Variants in UBR1 observed in about 807,000 individuals in gnomAD.
The protein encoded by UBR1 is ubiquitin protein ligase E3 component n-recognin 1.
A neutral mutation model predicts 242.1 loss-of-function variants in UBR1; 102 were observed. That is an observed-to-expected ratio of 0.42 (90% CI 0.36 to 0.50). The LOEUF (loss-of-function observed/expected upper bound fraction) is 0.50, where lower values mean the gene tolerates loss of function less well. UBR1 is among the 20% of genes least tolerant of loss of function. The pLI, the probability that UBR1 is intolerant of heterozygous loss-of-function variation, is 0.01. For synonymous variants in UBR1, 675 were observed against 684.8 expected, an observed-to-expected ratio of 0.99 and a Z score of 0.22; for missense variants, 1,772 against 2,101.8, an observed-to-expected ratio of 0.84 and a Z score of 3.07.
At chr15:42,978,074 C>T in intron 37 of UBR1, 127 bp from the exon 38 acceptor site, 1 of 728,154 alleles carries the variant, frequency 1.4e-6, no homozygotes, top group South Asian at 1.6e-5. Context: ...TAATACATCA[C>T]ACCTTTGAGA....
At chr15:43,043,524 C>A (rs2033446301) in intron 14 of UBR1, 129 bp from the exon 15 acceptor site, 1 of 832,472 alleles carries the variant, frequency 1.2e-6, no homozygotes, top group Admixed American at 2.0e-5. Flanking sequence ...TCACTGCAGC[C>A]TCAACCTCCT....
At chr15:42,990,248 G>T in intron 33 of UBR1, 128 bp from the exon 34 acceptor site, 1 of 702,294 alleles carries the variant, frequency 1.4e-6, no homozygotes, top group Non-Finnish European at 2.5e-6. Context: ...ACAGTGGCAT[G>T]ATCATCTGTA....
In UBR1 at chr15:42,960,881, TGCCTCA is replaced by T. The variant is rs567935469; in HGVS notation, c.4701-186_4701-181del. The stretch of plus-strand genomic sequence containing the variant: ...GCCTCCTAGGTTCAAGCAATTCTCC[TGCCTCA>T]GCCTCCCAAGTAGCTGGCACTCGCC... On this transcript the variant is annotated intron_variant, in intron 42 of 46. Transcript: ENST00000290650. Among the ~76,000 whole-genome samples the T allele has an allele frequency of 1.4e-4, 22 of 152,074 alleles. No homozygotes were observed. In the East Asian group the frequency reaches 4.3e-3, roughly 29 times the overall value.
At chr15:43,056,773 G>A (rs1351703093) in intron 10 of UBR1, among the ~76,000 whole-genome samples, 1 of 152,098 alleles carries the variant, frequency 6.6e-6, no homozygotes, top group African/African-American at 2.4e-5. Flanking sequence ...ACAGAATCTG[G>A]GGCAATCTTT....
chr15:42,984,958 A>T lies in UBR1; in HGVS notation c.3998-16T>A, dbSNP rs374903655. Reference sequence around the variant, plus strand: ...AATAGATTTTCTCAAAGAATAAAAAAAAATAAAAATAATAAATCCTGAATA... The same window carrying T: ...AATAGATTTTCTCAAAGAATAAAAATAAATAAAAATAATAAATCCTGAATA... On this transcript the variant is annotated splice_polypyrimidine_tract_variant and intron_variant, in intron 35 of 46. Coordinates refer to ENST00000290650, the MANE Select transcript of UBR1 (RefSeq NM_174916.3). 67 of 1,566,674 alleles carry T rather than the reference A, an allele frequency of 4.3e-5. No individual in the cohort carries two copies. The highest frequency in any genetic ancestry group is 5.6e-5 in the Non-Finnish European group (64 of 1,140,176).
chr15:43,002,441 G>A (rs897684648), intron 32 of UBR1, 114 bp downstream of exon 32: 17 of 1,248,132 alleles, frequency 1.4e-5, no homozygotes, highest in African/African-American at 4.5e-5. Context: ...GGCTGGTCTC[G>A]AACCCCTGAG....
intron 19 of UBR1, among the ~76,000 whole-genome samples, chr15:43,035,630 A>G (rs2033323326): frequency 6.7e-6 from 1 of 149,486 alleles, no homozygotes; most frequent in East Asian, 1.9e-4. Context: ...TCTTTAGTTT[A>G]ATTAGATCCC....
intron 4 of UBR1, among the ~76,000 whole-genome samples, chr15:43,071,193 C>T (rs1238651884): frequency 6.6e-6 from 1 of 152,178 alleles, no homozygotes; most frequent in Non-Finnish European, 1.5e-5. Context: ...AATGTTCCTA[C>T]CTGCCTTTCT....
intron 1 of UBR1, among the ~76,000 whole-genome samples, chr15:43,100,845 G>A (rs973131013): frequency 3.3e-5 from 5 of 152,120 alleles, no homozygotes; most frequent in African/African-American, 1.2e-4. Flanking sequence ...AAAAAAAGAT[G>A]CATCAATGAA....
At chr15:42,960,018 T>G (rs1466330010) in intron 43 of UBR1, among the ~76,000 whole-genome samples, 1 of 152,192 alleles carries the variant, frequency 6.6e-6, no homozygotes, top group Non-Finnish European at 1.5e-5. Context: ...AGTCAGGCCC[T>G]CGGAGGGGAT....
intron 12 of UBR1, among the ~76,000 whole-genome samples, chr15:43,051,301 C>T (rs1394398677): frequency 6.6e-6 from 1 of 152,142 alleles, no homozygotes; most frequent in East Asian, 1.9e-4. Context: ...GGCCATTATC[C>T]TTAGCAAACT....
intron 14 of UBR1, among the ~76,000 whole-genome samples, chr15:43,044,226 A>G (rs565339682): frequency 1.2e-4 from 18 of 152,374 alleles, no homozygotes; most frequent in Admixed American, 2.6e-4. Flanking sequence ...CCGCAGTGTA[A>G]TAATGTAGCC....
intron 10 of UBR1, among the ~76,000 whole-genome samples, 160 bp from the exon 11 acceptor site, chr15:43,056,602 TAGA>T (rs1296995440): frequency 6.6e-6 from 1 of 152,224 alleles, no homozygotes; most frequent in African/African-American, 2.4e-5. Flanking sequence ...AAAAATATCT[TAGA>T]AGGAGAATAA....
At chr15:43,028,542 C>T (rs2033206733) in intron 21 of UBR1, among the ~76,000 whole-genome samples, 2 of 150,572 alleles carry the variant, frequency 1.3e-5, no homozygotes, top group South Asian at 4.2e-4. Context: ...GTCAGGAGTT[C>T]GAGACCAGCC....
Position 43,047,217 on chromosome 15 carries a change from T to G in UBR1, c.1612A>C (p.Ile538Leu). 6.2e-7 allele frequency: 1 copy of G among 1,614,206 alleles called. No homozygotes were observed. Among genetic ancestry groups the G allele is most frequent in the South Asian group, 1.1e-5 (1 of 91,090 alleles). Reference sequence around the variant, plus strand: ...AAAATATTCTTCAATTGCATCTGTATAGCAATGGCAGCCTCCCAATCAGGA... The same window carrying G: ...AAAATATTCTTCAATTGCATCTGTAGAGCAATGGCAGCCTCCCAATCAGGA... ...VDPDWEAAIA[I>L]QMQLKNILLM... is the part of the protein sequence containing the mutation. The change falls in exon 14 of 47, where the codon ATA becomes CTA. Residue 538 changes from isoleucine (I) to leucine (L), a missense_variant. Transcript: ENST00000290650.
At chr15:43,003,073 G>A (rs2032751150) in intron 31 of UBR1, among the ~76,000 whole-genome samples, 1 of 152,086 alleles carries the variant, frequency 6.6e-6, no homozygotes, top group Admixed American at 6.6e-5. Flanking sequence ...AAAGCCAAAT[G>A]GGTAAACTCT....
At chr15:43,046,952 C>T (rs1272140618) in intron 14 of UBR1, among the ~76,000 whole-genome samples, 1 of 152,028 alleles carries the variant, frequency 6.6e-6, no homozygotes, top group Admixed American at 6.6e-5. Context: ...CCCTGCTATT[C>T]CCCAAAATAA....
chr15:43,054,414 T>C (rs765067569), intron 12 of UBR1, among the ~76,000 whole-genome samples: 4 of 151,972 alleles, frequency 2.6e-5, no homozygotes, highest in African/African-American at 4.8e-5. Context: ...AGAGACTATA[T>C]AGGAAGGACA....
At chr15:42,947,062 A>G (rs1028482098) in intron 46 of UBR1, among the ~76,000 whole-genome samples, 5 of 152,180 alleles carry the variant, frequency 3.3e-5, no homozygotes, top group Non-Finnish European at 7.3e-5. Flanking sequence ...GAGGCAGGAG[A>G]ATCGCTTGAA....
Sources: gnomAD v4.1 joint callset for allele counts (sites outside exome capture counted in the v4.1 genomes callset) on GRCh38, gnomAD v4.1.1 for gene constraint, MANE v1.5 for transcripts, NCBI Gene and HGNC (gene_info 2026-07-23, HGNC 2026-07-21) for gene names.